The following ADAMTS16 variants were observed in gnomAD, a reference collection of about 807,000 sequenced individuals.
ADAMTS16 encodes the protein A disintegrin and metalloproteinase with thrombospondin motifs 16.
ADAMTS16 carries 94 observed loss-of-function variants against 145.8 expected under a neutral mutation model. That is an observed-to-expected ratio of 0.64 (90% CI 0.55 to 0.77). The LOEUF (loss-of-function observed/expected upper bound fraction) is 0.77, where lower values mean the gene tolerates loss of function less well. Ranked by LOEUF, ADAMTS16 falls within the 30% of genes least tolerant of loss-of-function variation. ADAMTS16 has a pLI of 0.00. For synonymous variants in ADAMTS16, 659 were observed against 604.3 expected (o/e 1.09, Z -1.33); for missense variants, 1,585 against 1,591.5 (o/e 1.00, Z 0.07).
At chr5:5,214,436 T>G (rs922603974) in intron 10 of ADAMTS16, among the ~76,000 whole-genome samples, 6 of 152,220 alleles carry the variant, frequency 3.9e-5, no homozygotes, top group African/African-American at 2.4e-5. Flanking sequence ...GATGGAGTCT[T>G]GCTCTATCGC....
chr5:5,223,897 T>G (rs897946952), intron 11 of ADAMTS16, among the ~76,000 whole-genome samples: 1 of 151,890 alleles, frequency 6.6e-6, no homozygotes, highest in Non-Finnish European at 1.5e-5. Flanking sequence ...TGAAATGATA[T>G]TTAGGCATTG....
At chr5:5,261,352 G>A (rs1019812003) in intron 17 of ADAMTS16, among the ~76,000 whole-genome samples, 3 of 152,096 alleles carry the variant, frequency 2.0e-5, no homozygotes, top group Non-Finnish European at 2.9e-5. Flanking sequence ...TGCCCAGGCT[G>A]GTCTCAAACT....
intron 18 of ADAMTS16, among the ~76,000 whole-genome samples, chr5:5,272,024 A>T (rs1001655863): frequency 2.0e-5 from 3 of 152,122 alleles, no homozygotes; most frequent in African/African-American, 7.2e-5. Context: ...AACACTTGCA[A>T]TGAAAAGGGG....
chr5:5,242,526 C>T (rs375512670), intron 17 of ADAMTS16, among the ~76,000 whole-genome samples: 2 of 152,206 alleles, frequency 1.3e-5, no homozygotes, highest in East Asian at 1.9e-4. Flanking sequence ...ATCATGTTGA[C>T]GGTGAGAAAC....
chr5:5,311,143 G>C (rs1017674708), intron 21 of ADAMTS16, among the ~76,000 whole-genome samples: 1 of 151,400 alleles, frequency 6.6e-6, no homozygotes, highest in Non-Finnish European at 1.5e-5. Flanking sequence ...GTCCACTCTC[G>C]GCCTTCCTGA....
chr5:5,217,596 C>T (rs1370892900), intron 10 of ADAMTS16, among the ~76,000 whole-genome samples: 2 of 152,154 alleles, frequency 1.3e-5, no homozygotes, highest in Non-Finnish European at 2.9e-5. Flanking sequence ...CACCACAATG[C>T]AGTTTCAGCC....
intron 17 of ADAMTS16, among the ~76,000 whole-genome samples, chr5:5,256,379 C>T (rs979195975): frequency 1.6e-4 from 24 of 152,198 alleles, no homozygotes; most frequent in African/African-American, 5.5e-4. Context: ...TTTCTAAAGT[C>T]ACAGCTAAGA....
intron 18 of ADAMTS16, among the ~76,000 whole-genome samples, chr5:5,286,857 CAAAAAAA>C (rs1158555676): frequency 1.0e-3 from 23 of 22,134 alleles, no homozygotes; most frequent in East Asian, 3.3e-3. Flanking sequence ...GACTCCGTCT[CAAAAAAA>C]AAAAAAAAAA....
In ADAMTS16 at chr5:5,186,301, GGT is replaced by G. The variant is rs1553989063; in HGVS notation, c.963+83_963+84del. 6,603 of 968,674 alleles carry G rather than the reference GGT, an allele frequency of 6.8e-3. 1 individual carries two copies. Among genetic ancestry groups the G allele is most frequent in the East Asian group, 0.011 (403 of 35,260 alleles). 60.0% of individuals were successfully genotyped at this position (968,674 alleles called of 1,614,324 possible). On this transcript the variant is annotated intron_variant, in intron 5 of 22. Coordinates refer to ENST00000274181, the MANE Select transcript of ADAMTS16 (RefSeq NM_139056.4). ...CCACCTGTGTCATTGCACTTCGTAG[GGT>G]GTGTGTGTGTGTGTGTGTGTGTGTG... is the stretch of plus-strand genomic sequence containing the variant.
At chr5:5,288,706 G>C (rs1015972196) in intron 18 of ADAMTS16, among the ~76,000 whole-genome samples, 3 of 152,112 alleles carry the variant, frequency 2.0e-5, no homozygotes, top group Non-Finnish European at 4.4e-5. Context: ...TTTTTTCTAG[G>C]TCATTTTAGA....
intron 8 of ADAMTS16, among the ~76,000 whole-genome samples, chr5:5,198,645 G>A (rs187763697): frequency 1.4e-3 from 216 of 152,196 alleles, no homozygotes; most frequent in African/African-American, 4.8e-3. Context: ...GGTTACAAGC[G>A]TACCATAAAA....
intron 7 of ADAMTS16, among the ~76,000 whole-genome samples, chr5:5,191,307 C>A (rs943671469): frequency 4.6e-5 from 7 of 152,156 alleles, no homozygotes; most frequent in African/African-American, 1.4e-4. Flanking sequence ...TCTACAGCAC[C>A]TTTTCACTTG....
At chr5:5,227,556 T>C (rs1271734134) in intron 11 of ADAMTS16, among the ~76,000 whole-genome samples, 3 of 151,418 alleles carry the variant, frequency 2.0e-5, no homozygotes, top group Admixed American at 6.6e-5. Context: ...TGTCTCTACA[T>C]GCACTTATAT....
chr5:5,168,364 T>C (rs915922966), intron 3 of ADAMTS16, among the ~76,000 whole-genome samples: 2 of 146,372 alleles, frequency 1.4e-5, no homozygotes, highest in African/African-American at 2.5e-5. Context: ...TTATTATTAT[T>C]ATTATTATTA....
chr5:5,229,980 C>G (rs1736877143), intron 11 of ADAMTS16, among the ~76,000 whole-genome samples: 1 of 152,196 alleles, frequency 6.6e-6, no homozygotes, highest in South Asian at 2.1e-4. Context: ...CATCCTAACA[C>G]CAATGCTCTG....
intron 3 of ADAMTS16, among the ~76,000 whole-genome samples, chr5:5,156,443 G>A (rs903052867): frequency 6.6e-6 from 1 of 152,146 alleles, no homozygotes; most frequent in African/African-American, 2.4e-5. Context: ...ATTTGGATGG[G>A]GGAAAAGAGA....
chr5:5,232,603 T>A, intron 12 of ADAMTS16, 87 bp downstream of exon 12: 47 of 293,482 alleles, frequency 1.6e-4, no homozygotes, highest in Non-Finnish European at 2.1e-4. Context: ...CTCAGCTCTT[T>A]TTTTTTTTTT....
intron 3 of ADAMTS16, among the ~76,000 whole-genome samples, chr5:5,177,455 G>A (rs1353939093): frequency 6.6e-6 from 1 of 152,222 alleles, no homozygotes; most frequent in Non-Finnish European, 1.5e-5. Flanking sequence ...TAAGTCAGGT[G>A]TAGTGGAGAG....
intron 10 of ADAMTS16, among the ~76,000 whole-genome samples, chr5:5,213,687 G>A (rs1736338686): frequency 6.6e-6 from 1 of 152,106 alleles, no homozygotes; most frequent in Non-Finnish European, 1.5e-5. Flanking sequence ...TCCCCATGAG[G>A]CATGGACTTC....
Sources: gnomAD v4.1 joint callset for allele counts (sites outside exome capture counted in the v4.1 genomes callset) on GRCh38, gnomAD v4.1.1 for gene constraint, MANE v1.5 for transcripts, NCBI Gene and HGNC (gene_info 2026-07-23, HGNC 2026-07-21) for gene names.